FHIT: variants seen among roughly 807,000 people sequenced by gnomAD.
FHIT encodes the protein fragile histidine triad diadenosine triphosphatase, also known as bis(5'-adenosyl)-triphosphatase.
A neutral mutation model predicts 17.9 loss-of-function variants in FHIT; 19 were observed. The ratio of observed to expected loss-of-function variants is 1.06; its 90% CI spans 0.74 to 1.56. FHIT has a LOEUF of 1.56. Among genes scored for constraint, FHIT ranks in the 40% most tolerant of loss-of-function variants. The probability of loss-of-function intolerance (pLI) is 0.00; values close to 1 mark genes in which losing one functional copy is unlikely to be tolerated. For missense variants in FHIT, 248 were observed against 189.2 expected, an observed-to-expected ratio of 1.31 and a Z score of -1.82; for synonymous variants, 81 against 69.7, an observed-to-expected ratio of 1.16 and a Z score of -0.81.
At chr3:60,388,384 G>A (rs532283754) in intron 5 of FHIT, among the ~76,000 whole-genome samples, 73 of 152,242 alleles carry the variant, frequency 4.8e-4, no homozygotes, top group African/African-American at 1.7e-3. Flanking sequence ...CAGACTGCTT[G>A]AGTCCAGGAG....
intron 5 of FHIT, among the ~76,000 whole-genome samples, chr3:60,342,336 C>T (rs1710563985): frequency 6.6e-6 from 1 of 152,216 alleles, no homozygotes; most frequent in Non-Finnish European, 1.5e-5. Flanking sequence ...GAATAGACTG[C>T]TAGGTTCCAT....
chr3:60,418,149 A>G (rs963520958), intron 5 of FHIT, among the ~76,000 whole-genome samples: 3 of 151,862 alleles, frequency 2.0e-5, no homozygotes, highest in African/African-American at 7.3e-5. Flanking sequence ...TCTCGGCTAA[A>G]AGACTAAACT....
chr3:60,299,337 T>C (rs1208864865), intron 5 of FHIT, among the ~76,000 whole-genome samples: 2 of 152,140 alleles, frequency 1.3e-5, no homozygotes, highest in Non-Finnish European at 2.9e-5. Flanking sequence ...TCTCTGTCTA[T>C]GAAGGATGTT....
At chr3:61,103,045 C>G (rs1028202484) in intron 2 of FHIT, among the ~76,000 whole-genome samples, 1 of 152,164 alleles carries the variant, frequency 6.6e-6, no homozygotes, top group African/African-American at 2.4e-5. Context: ...TTTTGTGTCT[C>G]TATCTCTTTC....
At chr3:60,781,598 T>C (rs1553725712) in intron 4 of FHIT, among the ~76,000 whole-genome samples, 1 of 152,212 alleles carries the variant, frequency 6.6e-6, no homozygotes, top group Non-Finnish European at 1.5e-5. Flanking sequence ...TTGACCTCTC[T>C]AGGTCCCAAT....
At position 60,594,645 on chromosome 3, in the gene FHIT, G is replaced by C. The variant is rs531308751; in HGVS notation, c.-17-57666C>G. Among the ~76,000 whole-genome samples the C allele has an allele frequency of 1.1e-4, 17 of 152,122 alleles. No individual in the cohort carries two copies. In the East Asian group the frequency reaches 3.3e-3, roughly 30 times the overall value. On this transcript the variant is annotated intron_variant, in intron 4 of 9. Coordinates refer to ENST00000492590, the MANE Select transcript of FHIT (RefSeq NM_002012.4). ...TCCTCTCCCCTTCCAACACTATAAA[G>C]GGTTTTCTATTCCCCTACTTCCTTT...
chr3:60,160,106 T>G (rs1700874252), intron 5 of FHIT, among the ~76,000 whole-genome samples: 1 of 149,510 alleles, frequency 6.7e-6, no homozygotes, highest in Non-Finnish European at 1.5e-5. Flanking sequence ...TTCAGAAAAC[T>G]AATCCCATTC....
chr3:60,566,420 A>C (rs1470127975), intron 4 of FHIT, among the ~76,000 whole-genome samples: 1 of 152,202 alleles, frequency 6.6e-6, no homozygotes, highest in African/African-American at 2.4e-5. Flanking sequence ...GCTTCATGCT[A>C]AAAACTCTCA....
intron 5 of FHIT, among the ~76,000 whole-genome samples, chr3:60,386,594 G>A (rs1318161334): frequency 6.6e-6 from 1 of 152,048 alleles, no homozygotes; most frequent in Non-Finnish European, 1.5e-5. Flanking sequence ...CTTTCTTCAT[G>A]CTGGCATGAC....
At chr3:60,387,703 A>G (rs1701066570) in intron 5 of FHIT, among the ~76,000 whole-genome samples, 1 of 152,064 alleles carries the variant, frequency 6.6e-6, no homozygotes, top group Admixed American at 6.6e-5. Context: ...TTGTCACCAC[A>G]GGCCTTTGAA....
intron 5 of FHIT, among the ~76,000 whole-genome samples, chr3:60,256,257 A>T (rs934256985): frequency 1.3e-5 from 2 of 152,164 alleles, no homozygotes; most frequent in Non-Finnish European, 2.9e-5. Flanking sequence ...CCTGGCCTCC[A>T]TATGCTTTAA....
chr3:60,302,822 G>A (rs530986333), intron 5 of FHIT, among the ~76,000 whole-genome samples: 94 of 152,182 alleles, frequency 6.2e-4, no homozygotes, highest in African/African-American at 2.1e-3. Context: ...AAATGGCTAG[G>A]CTCAAATGGG....
intron 8 of FHIT, among the ~76,000 whole-genome samples, chr3:59,824,084 AC>A (rs1700893601): frequency 6.6e-6 from 1 of 152,180 alleles, no homozygotes; most frequent in African/African-American, 2.4e-5. Flanking sequence ...CAAGAGCTCA[AC>A]CCCTTTTACA....
At chr3:60,096,419 T>C (rs374154621) in intron 5 of FHIT, among the ~76,000 whole-genome samples, 2 of 152,162 alleles carry the variant, frequency 1.3e-5, no homozygotes, top group South Asian at 4.2e-4. Flanking sequence ...AACGGCATTA[T>C]TCAGAAAGAA....
Position 61,177,323 on chromosome 3 carries a change from C to T in FHIT, c.-164+23294G>A, listed in dbSNP as rs544815684. 2.1e-4 allele frequency among the ~76,000 whole-genome samples: 32 copies of T among 152,194 alleles called. 1 individual carries two copies. Among genetic ancestry groups the T allele is most frequent in the African/African-American group, 7.5e-4 (31 of 41,534 alleles). On this transcript the variant is annotated intron_variant, in intron 2 of 9. Coordinates refer to ENST00000492590, the MANE Select transcript of FHIT (RefSeq NM_002012.4). ...CCTCCCAAATTGTATGAGCTTCCAA[C>T]TCCACTAAACCTGAGTCTGCCTGAT...
chr3:59,980,393 G>C (rs1003341164), intron 7 of FHIT, among the ~76,000 whole-genome samples: 2 of 152,178 alleles, frequency 1.3e-5, no homozygotes, highest in African/African-American at 4.8e-5. Context: ...TGTTCTTCAA[G>C]AGTCCCCAGT....
chr3:60,453,880 T>C (rs181886054), intron 5 of FHIT, among the ~76,000 whole-genome samples: 1 of 152,284 alleles, frequency 6.6e-6, no homozygotes. Flanking sequence ...GCAATAAATC[T>C]TCCTGGAGTA....
intron 8 of FHIT, among the ~76,000 whole-genome samples, chr3:59,769,717 C>T (rs1701981368): frequency 6.9e-6 from 1 of 145,426 alleles, no homozygotes; most frequent in Non-Finnish European, 1.5e-5. Flanking sequence ...TTTCTCAATA[C>T]TGGACTAGTT....
intron 6 of FHIT, among the ~76,000 whole-genome samples, chr3:60,013,768 T>C (rs1700228949): frequency 6.6e-6 from 1 of 152,154 alleles, no homozygotes; most frequent in Non-Finnish European, 1.5e-5. Flanking sequence ...AAATCACTTA[T>C]CCATTACTCC....
Sources: allele counts gnomAD v4.1 joint callset (sites outside exome capture counted in the v4.1 genomes callset), GRCh38; gene constraint gnomAD v4.1.1; transcripts MANE v1.5; gene names NCBI Gene and HGNC (gene_info 2026-07-23, HGNC 2026-07-21).